Variants in MRPS28 observed in about 807,000 individuals in gnomAD.
MRPS28 encodes mitochondrial ribosomal protein S28, also known as small ribosomal subunit protein bS1m.
MRPS28 carries 7 observed loss-of-function variants against 10.8 expected under a neutral mutation model. The observed-to-expected ratio is 0.65, with a 90% CI of 0.37 to 1.22. The LOEUF (loss-of-function observed/expected upper bound fraction) is 1.22, where lower values mean the gene tolerates loss of function less well. Ranked by LOEUF, MRPS28 falls within the 50% of genes most tolerant of loss-of-function variation. The pLI is 0.02. For synonymous variants in MRPS28, 121 were observed against 93.3 expected, an observed-to-expected ratio of 1.30 and a Z score of -1.71; for missense variants, 265 against 232.9, an observed-to-expected ratio of 1.14 and a Z score of -0.90.
Position 79,918,953 on chromosome 8 carries a change from G to T in MRPS28, c.*27C>A. 6.9e-7 allele frequency: 1 copy of T among 1,453,940 alleles called. No homozygotes were observed. 90.1% of individuals were successfully genotyped at this position (1,453,940 alleles called of 1,614,324 possible). ...TTGATGAATAACTGACTTCAGCAAA[G>T]GAGTCAATCCACTAAGCAAAGTTCA... On this transcript the variant is annotated 3_prime_UTR_variant, in exon 3 of 3. Transcript: ENST00000276585.
At chr8:80,026,169 C>T (rs550319056) in intron 1 of MRPS28, among the ~76,000 whole-genome samples, 8 of 152,262 alleles carry the variant, frequency 5.3e-5, no homozygotes, top group Non-Finnish European at 8.8e-5. Flanking sequence ...TGTAATCTCA[C>T]GATACTGTTC....
intron 2 of MRPS28, among the ~76,000 whole-genome samples, chr8:79,982,192 A>C (rs1586074946): frequency 6.6e-6 from 1 of 152,226 alleles, no homozygotes; most frequent in East Asian, 1.9e-4. Flanking sequence ...GGTTGCAGTG[A>C]GTCAAGATCG....
At chr8:80,013,590 C>T (rs1465291191) in intron 1 of MRPS28, among the ~76,000 whole-genome samples, 4 of 138,700 alleles carry the variant, frequency 2.9e-5, no homozygotes, top group Non-Finnish European at 4.5e-5. Flanking sequence ...GCTGAGACTG[C>T]GCCATTGCAC....
At chr8:79,941,349 T>C (rs1806760904) in intron 2 of MRPS28, among the ~76,000 whole-genome samples, 1 of 152,176 alleles carries the variant, frequency 6.6e-6, no homozygotes, top group Non-Finnish European at 1.5e-5. Flanking sequence ...CTCTTCCAGA[T>C]CACCAACTGA....
chr8:79,949,894 G>A lies in MRPS28; in HGVS notation c.396-30746C>T, dbSNP rs1016749823. Among the ~76,000 whole-genome samples, 10 of 151,912 alleles carry A rather than the reference G, an allele frequency of 6.6e-5. No homozygotes were observed. The South Asian group carries it at 1.0e-3, about 16-fold the overall frequency. Reference sequence around the variant, plus strand: ...TATATCCCTTTCCTCAACTCCAACAGGACAACTAAAAAGGTTTTCGTTACT... The same window carrying A: ...TATATCCCTTTCCTCAACTCCAACAAGACAACTAAAAAGGTTTTCGTTACT... On this transcript the variant is annotated intron_variant, in intron 2 of 2. Coordinates refer to ENST00000276585, the MANE Select transcript of MRPS28 (RefSeq NM_014018.3).
At chr8:79,930,832 T>C (rs957856117) in intron 2 of MRPS28, among the ~76,000 whole-genome samples, 6 of 152,214 alleles carry the variant, frequency 3.9e-5, no homozygotes, top group African/African-American at 1.4e-4. Flanking sequence ...ATATCATCAA[T>C]TGTCAAATAT....
chr8:79,922,580 A>G (rs538281454), intron 2 of MRPS28, among the ~76,000 whole-genome samples: 229 of 152,198 alleles, frequency 1.5e-3, no homozygotes, highest in Non-Finnish European at 2.7e-3. Context: ...TATACCCAAT[A>G]AATATGTACA....
At position 79,933,094 on chromosome 8, in the gene MRPS28, C is replaced by T. The variant is rs576371255; in HGVS notation, c.396-13946G>A. 1.1e-4 allele frequency among the ~76,000 whole-genome samples: 16 copies of T among 152,292 alleles called. No homozygotes were observed. The South Asian group carries it at 2.5e-3, about 24-fold the overall frequency. ...TTTATTTTCTACAACAATGTGTACTCCTACATTTGCTTGTTTATATATGTG... is the reference window on the plus strand; with the variant it reads ...TTTATTTTCTACAACAATGTGTACTTCTACATTTGCTTGTTTATATATGTG... On this transcript the variant is annotated intron_variant, in intron 2 of 2. Coordinates refer to ENST00000276585, the MANE Select transcript of MRPS28 (RefSeq NM_014018.3).
At chr8:80,024,213 A>G (rs1247245637) in intron 1 of MRPS28, among the ~76,000 whole-genome samples, 1 of 151,750 alleles carries the variant, frequency 6.6e-6, no homozygotes, top group African/African-American at 2.4e-5. Flanking sequence ...TCAGCAACAG[A>G]GCAAGACCCT....
At chr8:79,937,742 C>T (rs886325468) in intron 2 of MRPS28, among the ~76,000 whole-genome samples, 3 of 152,154 alleles carry the variant, frequency 2.0e-5, no homozygotes, top group Admixed American at 6.5e-5. Flanking sequence ...AAGGAAATCA[C>T]TTTCTGGTTT....
At chr8:80,029,915 G>C in intron 1 of MRPS28, 121 bp downstream of exon 1, 1 of 1,536,528 alleles carries the variant, frequency 6.5e-7, no homozygotes, top group Non-Finnish European at 8.7e-7. Flanking sequence ...CGCAACTCCG[G>C]AAAACTGGGC....
chr8:79,928,319 A>C (rs1242195993), intron 2 of MRPS28, among the ~76,000 whole-genome samples: 2 of 152,084 alleles, frequency 1.3e-5, no homozygotes, highest in African/African-American at 2.4e-5. Context: ...CAATGGAGTG[A>C]GCACCTGTCT....
intron 2 of MRPS28, among the ~76,000 whole-genome samples, chr8:79,998,520 T>C (rs938571115): frequency 2.6e-5 from 4 of 152,328 alleles, no homozygotes; most frequent in South Asian, 2.1e-4. Context: ...ATTAAGGTCA[T>C]GTCTTTCTAA....
intron 2 of MRPS28, among the ~76,000 whole-genome samples, chr8:79,991,923 T>G (rs1157940957): frequency 3.6e-5 from 1 of 28,088 alleles, no homozygotes; most frequent in Non-Finnish European, 1.2e-4. Context: ...TCTCTCTCTC[T>G]CTCTCTCTCT....
chr8:79,967,415 A>G (rs1395607478), intron 2 of MRPS28, among the ~76,000 whole-genome samples: 1 of 152,122 alleles, frequency 6.6e-6, no homozygotes, highest in East Asian at 1.9e-4. Flanking sequence ...CCAATTCCCA[A>G]TTCCAGGGGA....
At chr8:79,928,455 A>ATG (rs561844055) in intron 2 of MRPS28, among the ~76,000 whole-genome samples, 2 of 151,566 alleles carry the variant, frequency 1.3e-5, no homozygotes, top group East Asian at 1.9e-4. Context: ...ATATATATAT[A>ATG]TTTTTTGAGA....
chr8:79,926,132 T>C (rs1187779206), intron 2 of MRPS28, among the ~76,000 whole-genome samples: 2 of 151,514 alleles, frequency 1.3e-5, no homozygotes, highest in South Asian at 2.1e-4. Flanking sequence ...TACATACATA[T>C]GGAAAGGGGA....
intron 1 of MRPS28, among the ~76,000 whole-genome samples, chr8:80,022,827 G>C (rs1187697377): frequency 6.6e-6 from 1 of 152,176 alleles, no homozygotes; most frequent in Non-Finnish European, 1.5e-5. Flanking sequence ...TTAAAAGATG[G>C]AAGTGAAATT....
chr8:80,022,533 T>C (rs575117210), intron 1 of MRPS28, among the ~76,000 whole-genome samples: 2 of 152,346 alleles, frequency 1.3e-5, no homozygotes, highest in Admixed American at 1.3e-4. Context: ...CTTGTTCAGC[T>C]GCCAACTCCT....
Sources: gnomAD v4.1 joint callset for allele counts (sites outside exome capture counted in the v4.1 genomes callset) on GRCh38, gnomAD v4.1.1 for gene constraint, MANE v1.5 for transcripts, NCBI Gene and HGNC (gene_info 2026-07-23, HGNC 2026-07-21) for gene names.